LYPD8: variants seen among roughly 807,000 people sequenced by gnomAD.
The protein encoded by LYPD8 is LY6/PLAUR domain containing 8.
LYPD8 carries 8 observed loss-of-function variants against 1.7 expected under a neutral mutation model. The ratio of observed to expected loss-of-function variants is 4.58; its 90% CI spans 2.69 to 8.27. The LOEUF (loss-of-function observed/expected upper bound fraction) is 8.27, where lower values mean the gene tolerates loss of function less well. Among genes scored for constraint, LYPD8 ranks in the 30% most tolerant of loss-of-function variants. LYPD8 has a pLI of 0.00. For missense variants in LYPD8, 112 were observed against 102.3 expected (o/e 1.09, Z -0.41); for synonymous variants, 50 against 43.6 (o/e 1.15, Z -0.58).
At chr1:248,752,930 A>AC (rs1662840334) in intron 2 of LYPD8, among the ~76,000 whole-genome samples, 4 of 117,348 alleles carry the variant, frequency 3.4e-5, no homozygotes, top group South Asian at 2.9e-4. Context: ...ACACCACATC[A>AC]CACACACACC....
chr1:248,753,162 CCA>C (rs1662851541), intron 2 of LYPD8, among the ~76,000 whole-genome samples: 2 of 114,188 alleles, frequency 1.8e-5, no homozygotes, highest in Non-Finnish European at 3.6e-5. Flanking sequence ...ACCCCACACA[CCA>C]CACACACCAC....
chr1:248,748,849 C>T (rs1662753848), intron 4 of LYPD8, among the ~76,000 whole-genome samples: 1 of 152,178 alleles, frequency 6.6e-6, no homozygotes, highest in African/African-American at 2.4e-5. Context: ...TCCAGTCAAG[C>T]TTCTAGCCAG....
intron 6 of LYPD8, among the ~76,000 whole-genome samples, chr1:248,741,140 T>C (rs1558205407): frequency 6.6e-6 from 1 of 152,212 alleles, no homozygotes; most frequent in Non-Finnish European, 1.5e-5. Context: ...AAAGGCTGAT[T>C]CTAAACTTGT....
intron 2 of LYPD8, among the ~76,000 whole-genome samples, chr1:248,751,413 A>G (rs1246644034): frequency 6.6e-6 from 1 of 152,130 alleles, no homozygotes; most frequent in African/African-American, 2.4e-5. Flanking sequence ...AGGCAGATTA[A>G]TTTTTAGTTT....
chr1:248,752,864 CACACCACACACCCCACACAACACATACA>C (rs1662836857), intron 2 of LYPD8, among the ~76,000 whole-genome samples: 2 of 106,678 alleles, frequency 1.9e-5, no homozygotes, highest in Non-Finnish European at 3.8e-5. Flanking sequence ...ACACCACACA[CACACCACACACCCCACACAACACATACA>C]CACATCACAC....
intron 2 of LYPD8, among the ~76,000 whole-genome samples, chr1:248,753,022 A>ACAT (rs1662844381): frequency 9.9e-6 from 1 of 100,932 alleles, no homozygotes; most frequent in Non-Finnish European, 1.9e-5. Flanking sequence ...TACACACACC[A>ACAT]CACACCCCAC....
Position 248,739,562 on chromosome 1 carries a change from C to T in LYPD8, c.*49G>A. 6.5e-7 allele frequency: 1 copy of T among 1,549,024 alleles called. No homozygotes were observed. The highest frequency in any genetic ancestry group is 1.2e-5 in the South Asian group (1 of 83,860). On this transcript the variant is annotated 3_prime_UTR_variant, in exon 7 of 7. Coordinates refer to ENST00000590317, the MANE Select transcript of LYPD8 (RefSeq NM_001085474.2). This position sits in a 1 kb window ranked among gnomAD's most constrained non-coding sequence, Gnocchi z 4.3. Reference sequence around the variant, plus strand: ...TCAGCACCGCAGGGGGTGCTCTGGACCTCAGAGAAGCAGAAATGGGGTGCT... The same window carrying T: ...TCAGCACCGCAGGGGGTGCTCTGGATCTCAGAGAAGCAGAAATGGGGTGCT...
chr1:248,751,018 G>A lies in LYPD8; in HGVS notation c.52+12C>T. The A allele has an allele frequency of 2.5e-6, 1 of 398,616 alleles. No individual in the cohort carries two copies. The highest frequency in any genetic ancestry group is 6.3e-4 in the Middle Eastern group (1 of 1,588). The allele number at this position is 398,616 out of a possible 1,614,324, so 24.7% of individuals were successfully genotyped here. A position where few individuals can be genotyped will look rare whatever the true frequency, so the allele number is the denominator to read the frequency against. On this transcript the variant is annotated intron_variant, in intron 3 of 6. Coordinates refer to ENST00000590317, the MANE Select transcript of LYPD8 (RefSeq NM_001085474.2). The stretch of plus-strand genomic sequence containing the variant: ...TCTCCATTCTAAAAAGGGGCCACGT[G>A]AGTTCTCTTACCTACAGCTGCAACA...
chr1:248,752,260 G>A (rs1475339554), intron 2 of LYPD8, among the ~76,000 whole-genome samples: 1 of 151,940 alleles, frequency 6.6e-6, no homozygotes, highest in Non-Finnish European at 1.5e-5. Flanking sequence ...AGTCCCAGTG[G>A]ACAGTACTGT....
intron 3 of LYPD8, 116 bp downstream of exon 3, chr1:248,750,914 T>C: frequency 2.5e-6 from 1 of 398,376 alleles, no homozygotes; most frequent in Non-Finnish European, 4.4e-6. Flanking sequence ...GGTCTCATGG[T>C]CATCCCTGAC....
At chr1:248,753,207 AACACACACACCACACCAC>A (rs1662854126) in intron 2 of LYPD8, among the ~76,000 whole-genome samples, 5 of 93,778 alleles carry the variant, frequency 5.3e-5, no homozygotes, top group Non-Finnish European at 1.0e-4. Flanking sequence ...CACCCCACAC[AACACACACACCACACCAC>A]ACACACACAC....
At chr1:248,740,572 A>C (rs1284906987) in intron 6 of LYPD8, among the ~76,000 whole-genome samples, 8 of 152,380 alleles carry the variant, frequency 5.3e-5, no homozygotes, top group African/African-American at 1.7e-4. Flanking sequence ...GGCACCTCAC[A>C]GAGGCCAAGG....
Position 248,739,549 on chromosome 1 carries a change from G to C in LYPD8, c.*62C>G. 4 of 1,547,254 alleles carry C rather than the reference G, an allele frequency of 2.6e-6. No homozygotes were observed. The South Asian group carries it at 3.6e-5, about 14-fold the overall frequency. Reference sequence around the variant, plus strand: ...GGGAAAGAGGGTGTCAGCACCGCAGGGGGTGCTCTGGACCTCAGAGAAGCA... The same window carrying C: ...GGGAAAGAGGGTGTCAGCACCGCAGCGGGTGCTCTGGACCTCAGAGAAGCA... On this transcript the variant is annotated 3_prime_UTR_variant, in exon 7 of 7. Transcript: ENST00000590317. The surrounding 1 kb of genome is among the most constrained non-coding windows in gnomAD (Gnocchi z 4.3).
chr1:248,751,295 A>G (rs1448149787), intron 2 of LYPD8, among the ~76,000 whole-genome samples, 165 bp from the exon 3 acceptor site: 3 of 152,208 alleles, frequency 2.0e-5, no homozygotes, highest in Non-Finnish European at 2.9e-5. Context: ...CCTGCTGCAA[A>G]CGGAGGGCCA....
intron 4 of LYPD8, among the ~76,000 whole-genome samples, chr1:248,748,848 G>A (rs1662753825): frequency 6.6e-6 from 1 of 152,272 alleles, no homozygotes; most frequent in South Asian, 2.1e-4. Flanking sequence ...ATCCAGTCAA[G>A]CTTCTAGCCA....
chr1:248,752,794 A>C (rs1439032412), intron 2 of LYPD8, among the ~76,000 whole-genome samples: 7 of 61,450 alleles, frequency 1.1e-4, no homozygotes, highest in Admixed American at 1.7e-4. Context: ...CCACACACAC[A>C]CCACACCCCA....
intron 2 of LYPD8, among the ~76,000 whole-genome samples, chr1:248,753,645 T>TACCACACAGCCCAC (rs1662873426): frequency 1.5e-5 from 1 of 65,282 alleles, no homozygotes; most frequent in Non-Finnish European, 2.8e-5. Context: ...ACCACACATA[T>TACCACACAGCCCAC]ACATCACACA....
chr1:248,751,440 T>C (rs1344130772), intron 2 of LYPD8, among the ~76,000 whole-genome samples: 1 of 151,966 alleles, frequency 6.6e-6, no homozygotes, highest in Non-Finnish European at 1.5e-5. Flanking sequence ...TGGGATGGGG[T>C]CCAAGAAGAA....
chr1:248,752,712 CT>C (rs1662824913), intron 2 of LYPD8, among the ~76,000 whole-genome samples: 1 of 126,118 alleles, frequency 7.9e-6, no homozygotes, highest in African/African-American at 3.0e-5. Context: ...ACACACCACA[CT>C]CCCCACTGAA....
Sources: allele counts gnomAD v4.1 joint callset (sites outside exome capture counted in the v4.1 genomes callset), GRCh38; gene constraint gnomAD v4.1.1; non-coding constraint Gnocchi (gnomAD v3.1); transcripts MANE v1.5; gene names NCBI Gene and HGNC (gene_info 2026-07-23, HGNC 2026-07-21).